ZMYM2: variants seen among roughly 807,000 people sequenced by gnomAD.
ZMYM2 encodes zinc finger MYM-type protein 2.
Under a neutral mutation model 162.8 loss-of-function variants are expected in ZMYM2, and 56 were observed. The ratio of observed to expected loss-of-function variants is 0.34; its 90% CI spans 0.28 to 0.43. The LOEUF (loss-of-function observed/expected upper bound fraction) is 0.43, where lower values mean the gene tolerates loss of function less well. Among genes scored for constraint, ZMYM2 ranks in the 20% least tolerant of loss-of-function variants. The pLI, the probability that ZMYM2 is intolerant of heterozygous loss-of-function variation, is 1.00. For missense variants in ZMYM2, 1,275 were observed against 1,621.8 expected (o/e 0.79, Z 3.67); for synonymous variants, 510 against 541.6 (o/e 0.94, Z 0.81).
At chr13:20,083,414 C>T (rs964473186) in intron 23 of ZMYM2, among the ~76,000 whole-genome samples, 1 of 152,190 alleles carries the variant, frequency 6.6e-6, no homozygotes, top group African/African-American at 2.4e-5. Context: ...CCTTGCCTTA[C>T]TAAAGACCAC....
chr13:19,973,646 G>A (rs1190099426), intron 2 of ZMYM2, among the ~76,000 whole-genome samples: 2 of 148,980 alleles, frequency 1.3e-5, no homozygotes, highest in Non-Finnish European at 3.0e-5. Flanking sequence ...ACTCCAGGCT[G>A]GGTGACAGAG....
At chr13:19,900,616 T>C in the ZMYM2 span, among the ~76,000 whole-genome samples, 3 of 152,122 alleles carry the variant, frequency 2.0e-5, no homozygotes, top group Non-Finnish European at 4.4e-5. Context: ...TACTCTGATA[T>C]CAGACAAAGG....
chr13:19,920,000 G>C, the ZMYM2 span, among the ~76,000 whole-genome samples: 2 of 152,092 alleles, frequency 1.3e-5, no homozygotes, highest in African/African-American at 4.8e-5. Flanking sequence ...GTAGGGACTG[G>C]ATCCTGCTAT....
At chr13:19,924,319 C>T in the ZMYM2 span, among the ~76,000 whole-genome samples, 16 of 152,232 alleles carry the variant, frequency 1.1e-4, no homozygotes, top group Middle Eastern at 6.8e-3. Flanking sequence ...AATCCCAGCA[C>T]GTTGGGAGCT....
intron 21 of ZMYM2, among the ~76,000 whole-genome samples, chr13:20,080,304 T>G (rs1049052850): frequency 6.6e-6 from 1 of 152,236 alleles, no homozygotes; most frequent in Non-Finnish European, 1.5e-5. Context: ...AATATTCCTT[T>G]GACTAGTTTG....
At chr13:20,073,269 T>C (rs1052773263) in intron 21 of ZMYM2, among the ~76,000 whole-genome samples, 2 of 152,168 alleles carry the variant, frequency 1.3e-5, no homozygotes, top group African/African-American at 4.8e-5. Context: ...AAGGGCAAGA[T>C]AGTAAATAAT....
chr13:19,991,077 T>TTC (rs1949572787), intron 2 of ZMYM2, among the ~76,000 whole-genome samples: 1 of 129,920 alleles, frequency 7.7e-6, no homozygotes, highest in African/African-American at 3.3e-5. Context: ...CGTATGTATT[T>TTC]TCTGTGTGTG....
At chr13:19,974,385 G>A (rs1594106084) in intron 2 of ZMYM2, among the ~76,000 whole-genome samples, 1 of 151,958 alleles carries the variant, frequency 6.6e-6, no homozygotes, top group East Asian at 1.9e-4. Flanking sequence ...ATGGTGTTTT[G>A]TTGTATGTCT....
At chr13:19,900,901 G>A in the ZMYM2 span, among the ~76,000 whole-genome samples, 8 of 152,064 alleles carry the variant, frequency 5.3e-5, no homozygotes, top group African/African-American at 9.6e-5. Context: ...GCGTGGTGGC[G>A]GGCGCCTGTA....
At chr13:19,909,823 A>G in the ZMYM2 span, among the ~76,000 whole-genome samples, 29 of 152,144 alleles carry the variant, frequency 1.9e-4, no homozygotes, top group East Asian at 5.6e-3. Flanking sequence ...CTTCAAAATA[A>G]CTTCTCGTGT....
intron 18 of ZMYM2, among the ~76,000 whole-genome samples, chr13:20,063,298 G>A (rs1956370029): frequency 6.6e-6 from 1 of 151,240 alleles, no homozygotes; most frequent in Admixed American, 6.6e-5. Flanking sequence ...AGCTACTCGG[G>A]AGGCTGAGGC....
At chr13:20,018,843 G>A (rs1187171321) in intron 6 of ZMYM2, among the ~76,000 whole-genome samples, 1 of 152,132 alleles carries the variant, frequency 6.6e-6, no homozygotes, top group Non-Finnish European at 1.5e-5. Flanking sequence ...ACTTTGGGAG[G>A]CCCAGGTGGG....
At chr13:19,883,891 G>A in the ZMYM2 span, among the ~76,000 whole-genome samples, 1 of 152,088 alleles carries the variant, frequency 6.6e-6, no homozygotes, top group Admixed American at 6.5e-5. Flanking sequence ...CGCGTAGCTG[G>A]GATTACAAGG....
At chr13:20,049,709 G>A (rs1245818535) in intron 12 of ZMYM2, among the ~76,000 whole-genome samples, 2 of 151,972 alleles carry the variant, frequency 1.3e-5, no homozygotes, top group Non-Finnish European at 2.9e-5. Context: ...AATCTTTCTA[G>A]ATCTTAGTTT....
At chr13:19,980,213 C>T (rs117188846) in intron 2 of ZMYM2, among the ~76,000 whole-genome samples, 278 of 151,880 alleles carry the variant, frequency 1.8e-3, no homozygotes, top group Non-Finnish European at 3.1e-3. Flanking sequence ...GAATTTCTTT[C>T]GGTGTGAGAC....
At position 19,993,323 on chromosome 13, in the gene ZMYM2, T is replaced by C. The variant is rs1416202175; in HGVS notation, c.251T>C (p.Phe84Ser). 21 of 1,613,796 alleles carry C rather than the reference T, an allele frequency of 1.3e-5. No individual in the cohort carries two copies. The East Asian group carries it at 3.3e-4, about 26-fold the overall frequency. ...GTAGCTGATCAAAGAACCATAACAT[T>C]TACATCATCAAAAAATGAAGAACTA... ...PVVADQRTIT[F>S]TSSKNEELQG... Residue 84 changes from phenylalanine (F) to serine (S), a missense_variant, in exon 3 of 25, where the codon TTT becomes TCT. By Grantham distance (155) the Phe-to-Ser change is radical. Transcript: ENST00000610343.
chr13:20,044,902 T>C (rs1954615848), intron 12 of ZMYM2, among the ~76,000 whole-genome samples: 1 of 151,736 alleles, frequency 6.6e-6, no homozygotes, highest in Admixed American at 6.6e-5. Context: ...ATACAAAAAT[T>C]AGCCATGCAT....
At chr13:20,006,703 C>T in intron 6 of ZMYM2, 117 bp downstream of exon 6, 2 of 1,072,596 alleles carry the variant, frequency 1.9e-6, no homozygotes, top group South Asian at 3.1e-5. Context: ...CATTTAATTC[C>T]ATTATTGTTG....
Position 20,060,420 on chromosome 13 carries a change from T to G in ZMYM2, c.2740-633T>G, listed in dbSNP as rs190904728. Among the ~76,000 whole-genome samples the G allele has an allele frequency of 1.1e-3, 173 of 152,370 alleles. 1 individual carries two copies. The Middle Eastern group carries it at 0.017, about 15-fold the overall frequency. The stretch of plus-strand genomic sequence containing the variant: ...TGGGCCATGTGCAGTGGCTCACGCC[T>G]GTAATCCCAGCACTTTAGGAGGCTG... On this transcript the variant is annotated intron_variant, in intron 16 of 24. Coordinates refer to ENST00000610343, the MANE Select transcript of ZMYM2 (RefSeq NM_197968.4).
Sources: allele counts gnomAD v4.1 joint callset (sites outside exome capture counted in the v4.1 genomes callset), GRCh38; gene constraint gnomAD v4.1.1; transcripts MANE v1.5; gene names NCBI Gene and HGNC (gene_info 2026-07-23, HGNC 2026-07-21).